The following EBF4 variants were observed in gnomAD, a reference collection of about 807,000 sequenced individuals.
EBF4 encodes the protein EBF transcription factor 4.
EBF4 carries 34 observed loss-of-function variants against 67.1 expected under a neutral mutation model. That is an observed-to-expected ratio of 0.51 (90% CI 0.39 to 0.67). The LOEUF is 0.67. Among genes scored for constraint, EBF4 ranks in the 30% least tolerant of loss-of-function variants. EBF4 has a pLI of 0.00. For synonymous variants in EBF4, 387 were observed against 377.7 expected, an observed-to-expected ratio of 1.02 and a Z score of -0.29; for missense variants, 837 against 873.3, an observed-to-expected ratio of 0.96 and a Z score of 0.52.
intron 1 of EBF4, among the ~76,000 whole-genome samples, chr20:2,698,453 A>G (rs2087327378): frequency 6.6e-6 from 1 of 152,108 alleles, no homozygotes; most frequent in African/African-American, 2.4e-5. Flanking sequence ...GGCCAGGCCA[A>G]TAGATCTTGT....
Position 2,755,808 on chromosome 20 carries a change from C to T in EBF4, c.1722C>T (p.His574=), listed in dbSNP as rs758528007. 3.6e-5 allele frequency: 55 copies of T among 1,547,850 alleles called. No homozygotes were observed. Among genetic ancestry groups the T allele is most frequent in the African/African-American group, 1.6e-4 (12 of 73,048 alleles). ...CACCCCAGGCCTGCCCCAGAGCCCA[C>T]GGAGAGGGGCTTCCAGGTGAGTGAT... Residue 574 remains histidine (H), a synonymous_variant, in exon 15 of 17, where the codon CAC becomes CAT. Coordinates refer to ENST00000609451, the Ensembl canonical transcript of EBF4. This position sits in a 1 kb window ranked among gnomAD's most constrained non-coding sequence, Gnocchi z 4.7.
At chr20:2,695,430 AG>A (rs954261799) in intron 1 of EBF4, among the ~76,000 whole-genome samples, 3 of 152,054 alleles carry the variant, frequency 2.0e-5, no homozygotes, top group African/African-American at 7.2e-5. Flanking sequence ...AGTGGGGTTG[AG>A]TGGGCTTGGG....
rs1051420167 is a variant in EBF4, at chr20:2,745,260, C to A, written c.558-3289C>A. 1.2e-4 allele frequency among the ~76,000 whole-genome samples: 19 copies of A among 152,176 alleles called. No individual in the cohort carries two copies. The highest frequency in any genetic ancestry group is 2.4e-4 in the Non-Finnish European group (16 of 68,032). ...GTGCAGGCTCTCTGACTGGGAGAAG[C>A]CTCGTGGACTACCAGCTGGAAGGGA... On this transcript the variant is annotated intron_variant, in intron 6 of 16. Coordinates refer to ENST00000609451, the Ensembl canonical transcript of EBF4. The surrounding 1 kb of genome is among the most constrained non-coding windows in gnomAD (Gnocchi z 5.2).
chr20:2,715,893 C>G (rs1292629238), intron 6 of EBF4, among the ~76,000 whole-genome samples: 1 of 151,994 alleles, frequency 6.6e-6, no homozygotes, highest in African/African-American at 2.4e-5. Context: ...GGATTACAGG[C>G]GCACGCCATC....
chr20:2,705,950 C>T (rs772316789), intron 2 of EBF4, 24 bp from the exon 3 acceptor site: 49 of 1,548,930 alleles, frequency 3.2e-5, no homozygotes, highest in African/African-American at 1.8e-4. Flanking sequence ...AGCACCCGAG[C>T]ATCCTCCCAT....
At position 2,739,060 on chromosome 20, in the gene EBF4, C is replaced by T. The variant is rs564139947; in HGVS notation, c.558-9489C>T. On this transcript the variant is annotated intron_variant, in intron 6 of 16. Transcript: ENST00000609451. The surrounding 1 kb of genome is among the most constrained non-coding windows in gnomAD (Gnocchi z 4.5). ...GGGGACAGTCTATCTTGGCTTCTAC[C>T]GCAGGCTAAGACCAGGAAGCAGCCT... Among the ~76,000 whole-genome samples the T allele has an allele frequency of 3.9e-5, 6 of 152,300 alleles. No individual in the cohort carries two copies. The highest frequency in any genetic ancestry group is 3.9e-4 in the East Asian group (2 of 5,178).
intron 6 of EBF4, among the ~76,000 whole-genome samples, chr20:2,717,137 A>C (rs1425614005): frequency 1.3e-5 from 2 of 152,152 alleles, no homozygotes; most frequent in Non-Finnish European, 2.9e-5. Context: ...TTTTCAATAT[A>C]GTTTTATAAT....
chr20:2,721,244 T>C (rs1012429235), intron 6 of EBF4, among the ~76,000 whole-genome samples: 5 of 131,412 alleles, frequency 3.8e-5, no homozygotes, highest in African/African-American at 1.6e-4. Flanking sequence ...ACTGATTCTC[T>C]TCTTTTTTTT....
chr20:2,757,778 C>G (rs1443983713), intron 15 of EBF4, among the ~76,000 whole-genome samples: 1 of 152,088 alleles, frequency 6.6e-6, no homozygotes, highest in Non-Finnish European at 1.5e-5. Context: ...AAAACCTCGT[C>G]TCTAAAAAAA....
intron 10 of EBF4, among the ~76,000 whole-genome samples, chr20:2,750,875 A>C (rs1417007832): frequency 1.3e-5 from 2 of 152,160 alleles, no homozygotes; most frequent in Admixed American, 6.5e-5. Flanking sequence ...AGAAGGAATG[A>C]TAAGGACCGA....
At chr20:2,727,937 G>A (rs925761434) in intron 6 of EBF4, among the ~76,000 whole-genome samples, 1 of 152,118 alleles carries the variant, frequency 6.6e-6, no homozygotes, top group African/African-American at 2.4e-5. Flanking sequence ...AGTGTTAGGA[G>A]TTCCTTCTAT....
chr20:2,743,094 A>G (rs1042390247), intron 6 of EBF4, among the ~76,000 whole-genome samples: 1 of 152,134 alleles, frequency 6.6e-6, no homozygotes, highest in Non-Finnish European at 1.5e-5. Flanking sequence ...CTCTGTGCAG[A>G]CATGGCTTGG....
intron 6 of EBF4, among the ~76,000 whole-genome samples, chr20:2,716,941 T>C (rs1181094401): frequency 6.6e-6 from 1 of 152,226 alleles, no homozygotes; most frequent in Admixed American, 6.5e-5. Flanking sequence ...TGAACATTCT[T>C]CAGTTGAATA....
At chr20:2,735,674 T>C (rs2087867612) in intron 6 of EBF4, among the ~76,000 whole-genome samples, 2 of 152,226 alleles carry the variant, frequency 1.3e-5, no homozygotes, top group South Asian at 2.1e-4. Context: ...ACAGTAATTT[T>C]TGACTCTTGA....
upstream of EBF4, chr20:2,692,931 T>G (rs1383292407): frequency 6.9e-6 from 1 of 144,760 alleles, no homozygotes; most frequent in Non-Finnish European, 1.5e-5. This position sits in a 1 kb window ranked among gnomAD's most constrained non-coding sequence, Gnocchi z 6.4. Context: ...TCGGCCGGGC[T>G]GCTGCTGCTG....
chr20:2,751,811 G>A lies in EBF4; in HGVS notation c.1107+23G>A. ...AAGGTACTCAGAGGGGCGGGGCGGG[G>A]CGGGGCTGAGGGTGTCCTGTGGGCA... On this transcript the variant is annotated intron_variant, in intron 11 of 16. Transcript: ENST00000609451. This position sits in a 1 kb window ranked among gnomAD's most constrained non-coding sequence, Gnocchi z 5.2. The A allele has an allele frequency of 6.5e-7, 1 of 1,549,180 alleles. No individual in the cohort carries two copies. The highest frequency in any genetic ancestry group is 8.7e-7 in the Non-Finnish European group (1 of 1,146,310).
chr20:2,752,123 C>G, exon 13 of EBF4: 1 of 1,471,634 alleles, frequency 6.8e-7, no homozygotes, highest in Non-Finnish European at 8.9e-7. Flanking sequence ...GTGGCCGAGG[C>G]TCTGTACAGC....
chr20:2,736,897 C>A (rs1241759797), intron 6 of EBF4, among the ~76,000 whole-genome samples: 1 of 152,192 alleles, frequency 6.6e-6, no homozygotes, highest in Non-Finnish European at 1.5e-5. Flanking sequence ...AAGCTTAGGG[C>A]CAGACTGGCC....
intron 6 of EBF4, among the ~76,000 whole-genome samples, chr20:2,735,719 G>A (rs1259005812): frequency 6.6e-6 from 1 of 152,188 alleles, no homozygotes. Context: ...CTGTTGTGGG[G>A]CTGGGACTAT....
Sources: gnomAD v4.1 joint callset for allele counts (sites outside exome capture counted in the v4.1 genomes callset) on GRCh38, gnomAD v4.1.1 for gene constraint, Gnocchi (gnomAD v3.1) non-coding constraint, MANE v1.5 for transcripts, NCBI Gene and HGNC (gene_info 2026-07-23, HGNC 2026-07-21) for gene names.